The following KCTD16 variants were observed in gnomAD, a reference collection of about 807,000 sequenced individuals.
KCTD16 encodes potassium channel tetramerization domain containing 16.
Under a neutral mutation model 33.2 loss-of-function variants are expected in KCTD16, and 13 were observed. The observed-to-expected ratio is 0.39, with a 90% CI of 0.25 to 0.62. KCTD16 has a LOEUF of 0.62. KCTD16 is among the 20% of genes least tolerant of loss of function. The pLI, the probability that KCTD16 is intolerant of heterozygous loss-of-function variation, is 0.50. For synonymous variants in KCTD16, 197 were observed against 195.3 expected (o/e 1.01, Z -0.07); for missense variants, 441 against 525.1 (o/e 0.84, Z 1.57).
intron 3 of KCTD16, among the ~76,000 whole-genome samples, chr5:144,267,966 C>T (rs989032447): frequency 6.6e-6 from 1 of 152,176 alleles, no homozygotes; most frequent in African/African-American, 2.4e-5. Flanking sequence ...CACCAGGACT[C>T]CATCGCCCCA....
At chr5:144,394,603 T>TCGAGAGA (rs1752524135) in intron 3 of KCTD16, among the ~76,000 whole-genome samples, 1 of 152,192 alleles carries the variant, frequency 6.6e-6, no homozygotes, top group South Asian at 2.1e-4. Context: ...TCCCCACATG[T>TCGAGAGA]CGAGAGACGG....
chr5:144,474,996 A>G lies in KCTD16; in HGVS notation c.*882A>G, dbSNP rs1379267422. The G allele has an allele frequency of 1.3e-5, 2 of 152,144 alleles. No homozygotes were observed. Among genetic ancestry groups the G allele is most frequent in the Non-Finnish European group, 2.9e-5 (2 of 68,042 alleles). 9.4% of individuals were successfully genotyped at this position (152,144 alleles called of 1,614,324 possible). A position where few individuals can be genotyped will look rare whatever the true frequency, so the allele number is the denominator to read the frequency against. On this transcript the variant is annotated 3_prime_UTR_variant, in exon 4 of 4. Coordinates refer to ENST00000512467, the MANE Select transcript of KCTD16 (RefSeq NM_020768.4). ...AAAAATCAAACATTCATATCCACAAAATTTTCTGCTAAATGACTCCACACT... is the reference window on the plus strand; with the variant it reads ...AAAAATCAAACATTCATATCCACAAGATTTTCTGCTAAATGACTCCACACT...
Position 144,285,471 on chromosome 5 carries a change from C to T in KCTD16, c.832+77925C>T, listed in dbSNP as rs149767117. The stretch of plus-strand genomic sequence containing the variant: ...TGCCAGTTCCTTCTGTCATACAGCC[C>T]CTCTTTATCCATCCATCGCTTATGT... On this transcript the variant is annotated intron_variant, in intron 3 of 3. Transcript: ENST00000512467. Among the ~76,000 whole-genome samples, 578 of 152,296 alleles carry T rather than the reference C, an allele frequency of 3.8e-3. 7 individuals are homozygous for T. Among genetic ancestry groups the T allele is most frequent in the African/African-American group, 0.013 (561 of 41,566 alleles).
At chr5:144,295,107 C>T (rs190636213) in intron 3 of KCTD16, among the ~76,000 whole-genome samples, 12 of 152,292 alleles carry the variant, frequency 7.9e-5, no homozygotes, top group Non-Finnish European at 1.5e-4. Context: ...GTATTTGTCA[C>T]ATAAATTTAT....
intron 2 of KCTD16, among the ~76,000 whole-genome samples, chr5:144,202,389 C>G (rs190039166): frequency 2.0e-5 from 3 of 152,338 alleles, no homozygotes; most frequent in African/African-American, 7.2e-5. Context: ...ATTTAAATCT[C>G]TTTGTAGAGT....
At chr5:144,444,337 C>T (rs1030336446) in intron 3 of KCTD16, among the ~76,000 whole-genome samples, 2 of 152,010 alleles carry the variant, frequency 1.3e-5, no homozygotes, top group Non-Finnish European at 2.9e-5. Flanking sequence ...CATCAAAAAT[C>T]ATGGTTCTCA....
At chr5:144,280,590 G>T (rs1436924166) in intron 3 of KCTD16, among the ~76,000 whole-genome samples, 2 of 151,924 alleles carry the variant, frequency 1.3e-5, no homozygotes, top group Admixed American at 6.6e-5. Flanking sequence ...TAATTTTGTT[G>T]ATCTTTTCAA....
intron 3 of KCTD16, among the ~76,000 whole-genome samples, chr5:144,276,901 TA>T (rs5871872): frequency 1.3e-3 from 186 of 139,966 alleles, no homozygotes; most frequent in Admixed American, 1.5e-3. Flanking sequence ...AAACCCTGTC[TA>T]AAAAAAAAAA....
At chr5:144,374,735 A>C (rs1246418678) in intron 3 of KCTD16, among the ~76,000 whole-genome samples, 3 of 152,170 alleles carry the variant, frequency 2.0e-5, no homozygotes, top group African/African-American at 7.2e-5. Flanking sequence ...ACTCCTAAGA[A>C]ATGAAAATGG....
chr5:144,363,856 C>A (rs1222741101), intron 3 of KCTD16, among the ~76,000 whole-genome samples: 2 of 152,196 alleles, frequency 1.3e-5, no homozygotes, highest in African/African-American at 4.8e-5. Context: ...CATACATTCC[C>A]TGCAACTAGT....
Position 144,316,643 on chromosome 5 carries a change from G to A in KCTD16, c.832+109097G>A, listed in dbSNP as rs754952208. ...TTCTCCGGCCTCAGCCTCCTGAGTA[G>A]CTGGGATTATAGGTGCCTGCCACCA... On this transcript the variant is annotated intron_variant, in intron 3 of 3. Transcript: ENST00000512467. Among the ~76,000 whole-genome samples, 12 of 151,190 alleles carry A rather than the reference G, an allele frequency of 7.9e-5. No homozygotes were observed. The Middle Eastern group carries it at 0.01, about 129-fold the overall frequency.
chr5:144,341,732 G>A (rs901980926), intron 3 of KCTD16, among the ~76,000 whole-genome samples: 12 of 152,192 alleles, frequency 7.9e-5, no homozygotes, highest in African/African-American at 2.7e-4. Context: ...AGCCATAGCA[G>A]GACATAGAGT....
At chr5:144,328,128 C>A (rs1561568982) in intron 3 of KCTD16, among the ~76,000 whole-genome samples, 1 of 151,772 alleles carries the variant, frequency 6.6e-6, no homozygotes, top group Non-Finnish European at 1.5e-5. Flanking sequence ...ATCTCAGGAT[C>A]CCCACTGCAC....
At position 144,225,591 on chromosome 5, in the gene KCTD16, TG is replaced by T. The variant is rs879636383; in HGVS notation, c.832+18046del. ...GTGTGTGTGTGTGTGTGTGTGTGTGTGTGTGTCTTTAAAACTAAGAAGTCAT... is the reference window on the plus strand; with the variant it reads ...GTGTGTGTGTGTGTGTGTGTGTGTGTTGTGTCTTTAAAACTAAGAAGTCAT... On this transcript the variant is annotated intron_variant, in intron 3 of 3. Transcript: ENST00000512467. 1.9e-3 allele frequency among the ~76,000 whole-genome samples: 281 copies of T among 151,842 alleles called. 5 individuals are homozygous for T. The highest frequency in any genetic ancestry group is 0.015 in the Admixed American group (235 of 15,198).
Position 144,480,031 on chromosome 5 carries a change from G to A in KCTD16, c.*5917G>A, listed in dbSNP as rs1754673803. The A allele has an allele frequency of 6.6e-6, 1 of 151,972 alleles. No homozygotes were observed. Among genetic ancestry groups the A allele is most frequent in the Non-Finnish European group, 1.5e-5 (1 of 67,932 alleles). 9.4% of individuals were successfully genotyped at this position (151,972 alleles called of 1,614,324 possible). The stretch of plus-strand genomic sequence containing the variant: ...TAGATAATTTACCTGCATTTGCACA[G>A]TGAAAAATCAACATAACTTTATATT... On this transcript the variant is annotated 3_prime_UTR_variant, in exon 4 of 4. Transcript: ENST00000512467.
intron 2 of KCTD16, among the ~76,000 whole-genome samples, chr5:144,196,204 A>G (rs1374361225): frequency 6.6e-6 from 1 of 152,158 alleles, no homozygotes; most frequent in Non-Finnish European, 1.5e-5. Context: ...GCTCTAGGGA[A>G]GGACTCTATG....
intron 3 of KCTD16, among the ~76,000 whole-genome samples, chr5:144,279,911 A>G (rs192270815): frequency 2.3e-4 from 35 of 152,288 alleles, no homozygotes; most frequent in Admixed American, 2.0e-3. Flanking sequence ...TTTTTCCCCC[A>G]TCTATTGATA....
intron 3 of KCTD16, among the ~76,000 whole-genome samples, chr5:144,216,149 G>T (rs1173598158): frequency 6.6e-6 from 1 of 152,174 alleles, no homozygotes; most frequent in Non-Finnish European, 1.5e-5. Flanking sequence ...AACCTTTTGT[G>T]AATATCAGCC....
intron 3 of KCTD16, among the ~76,000 whole-genome samples, chr5:144,371,290 A>G (rs925761785): frequency 2.0e-5 from 3 of 152,112 alleles, no homozygotes; most frequent in Non-Finnish European, 4.4e-5. Context: ...CTTTCTGGAA[A>G]TGCACTTTTT....
Sources: allele counts gnomAD v4.1 joint callset (sites outside exome capture counted in the v4.1 genomes callset), GRCh38; gene constraint gnomAD v4.1.1; transcripts MANE v1.5; gene names NCBI Gene and HGNC (gene_info 2026-07-23, HGNC 2026-07-21).